Variants in KMT2E observed in about 807,000 individuals in gnomAD.
KMT2E encodes the protein lysine methyltransferase 2E (inactive), also known as histone reader KMT2E.
In KMT2E, 30 loss-of-function variants were observed where a neutral mutation model predicts 184.6. That is an observed-to-expected ratio of 0.16 (90% CI 0.12 to 0.22). KMT2E has a LOEUF of 0.22. KMT2E is among the 10% of genes least tolerant of loss of function. The pLI, the probability that KMT2E is intolerant of heterozygous loss-of-function variation, is 1.00. For synonymous variants in KMT2E, 815 were observed against 776.5 expected (o/e 1.05, Z -0.82); for missense variants, 2,023 against 2,237.4 (o/e 0.90, Z 1.93).
chr7:105,074,225 C>T (rs773915771), intron 7 of KMT2E, among the ~76,000 whole-genome samples: 2 of 151,694 alleles, frequency 1.3e-5, no homozygotes, highest in Admixed American at 6.6e-5. Context: ...AAACAGTATC[C>T]TCAGCAAGAC....
At chr7:105,033,707 G>T (rs1353366367) in intron 1 of KMT2E, among the ~76,000 whole-genome samples, 3 of 152,106 alleles carry the variant, frequency 2.0e-5, no homozygotes, top group Non-Finnish European at 4.4e-5. Flanking sequence ...CGCTGTGTTA[G>T]CCAGGGTGGT....
rs148572476 is a variant in KMT2E at position 105,050,911 on chromosome 7, G to T, written c.71+9888G>T. Among the ~76,000 whole-genome samples the T allele has an allele frequency of 9.3e-3, 1,337 of 143,826 alleles. 9 individuals are homozygous for T. Among genetic ancestry groups the T allele is most frequent in the Non-Finnish European group, 0.015 (945 of 64,246 alleles). The allele number at this position is 143,826 out of a possible 152,430, so 94.4% of individuals were successfully genotyped here. On this transcript the variant is annotated intron_variant, in intron 3 of 26. Transcript: ENST00000311117. Reference sequence around the variant, plus strand: ...CTGGCTAATTTTTTTATTTTTATTCGAGATGGGATTTCACCATGTTGGCCA... The same window carrying T: ...CTGGCTAATTTTTTTATTTTTATTCTAGATGGGATTTCACCATGTTGGCCA...
intron 3 of KMT2E, among the ~76,000 whole-genome samples, chr7:105,049,652 AG>A (rs1226412773): frequency 2.6e-5 from 4 of 152,080 alleles, no homozygotes; most frequent in Admixed American, 2.6e-4. Context: ...GCACTTTGGG[AG>A]GCTGAGGTGG....
chr7:105,112,782 C>T lies in KMT2E; in HGVS notation c.5026C>T (p.His1676Tyr). 6.2e-7 allele frequency: 1 copy of T among 1,611,886 alleles called. No homozygotes were observed. Among genetic ancestry groups the T allele is most frequent in the Non-Finnish European group, 8.5e-7 (1 of 1,179,364 alleles). Residue 1676 changes from histidine to tyrosine, a missense_variant, in exon 27 of 27, where the codon CAC becomes TAC. By Grantham distance (83) the His-to-Tyr change is moderately conservative. Around this residue, in one of 8 missense-constraint regions of KMT2E, gnomAD observed 1,108 missense variants for 1,050.9 expected, o/e 1.05. Coordinates refer to ENST00000311117, the MANE Select transcript of KMT2E (RefSeq NM_182931.3). ...TATTCATTCTCAAACTGCTGGACAC[C>T]ACTTACCCCCACCCCCACCCCCTCC... ...SHIHSQTAGH[H>Y]LPPPPPPPGP... is the part of the protein sequence containing the mutation.
chr7:105,081,639 T>G lies in KMT2E; in HGVS notation c.1249-49T>G, dbSNP rs762732663. On this transcript the variant is annotated intron_variant, in intron 12 of 26. Transcript: ENST00000311117. ...TTTCAAAATTGTAAGCTGATGCTTCTGAAGGCAGAAAGTAATTTATGGTAA... is the reference window on the plus strand; with the variant it reads ...TTTCAAAATTGTAAGCTGATGCTTCGGAAGGCAGAAAGTAATTTATGGTAA... The G allele has an allele frequency of 7.6e-6, 7 of 915,416 alleles. No homozygotes were observed. The East Asian group carries it at 1.7e-4, about 23-fold the overall frequency. 56.7% of individuals were successfully genotyped at this position (915,416 alleles called of 1,614,324 possible). A position where few individuals can be genotyped will look rare whatever the true frequency, so the allele number is the denominator to read the frequency against.
intron 19 of KMT2E, 36 bp downstream of exon 19, chr7:105,106,039 T>C: frequency 6.3e-7 from 1 of 1,585,934 alleles, no homozygotes; most frequent in Non-Finnish European, 8.6e-7. Flanking sequence ...GTTTGAGAAA[T>C]GTGGCAGGGC....
chr7:105,019,686 C>T (rs551897959), intron 1 of KMT2E, among the ~76,000 whole-genome samples: 1 of 152,264 alleles, frequency 6.6e-6, no homozygotes, highest in East Asian at 1.9e-4. Context: ...AAGCAATGAT[C>T]TATGTAGCTT....
chr7:105,088,587 C>CCTA (rs1180663137), intron 13 of KMT2E, among the ~76,000 whole-genome samples: 1 of 152,136 alleles, frequency 6.6e-6, no homozygotes, highest in Non-Finnish European at 1.5e-5. Context: ...GGGCATTTGG[C>CCTA]CTGTATCATA....
In KMT2E at chr7:105,062,195, G is replaced by A. The variant is rs1303754526; in HGVS notation, c.103G>A (p.Val35Ile). The A allele has an allele frequency of 3.1e-6, 5 of 1,613,264 alleles. No homozygotes were observed. The highest frequency in any genetic ancestry group is 4.2e-6 in the Non-Finnish European group (5 of 1,179,444). ...PESVEASPVV[V>I]EKSNSYPHQL... ...ATCCGTAGAAGCTAGCCCTGTGGTA[G>A]TTGAGAAATCCAACAGTTATCCCCA... The change falls in exon 4 of 27, where the codon GTT becomes ATT. Residue 35 changes from valine to isoleucine, a missense_variant. By Grantham distance (29) the Val-to-Ile change is conservative (BLOSUM62 3). Transcript: ENST00000311117.
chr7:105,110,686 T>C (rs1799194767), intron 25 of KMT2E, 84 bp downstream of exon 25: 15 of 1,588,392 alleles, frequency 9.4e-6, no homozygotes, highest in East Asian at 2.2e-5. Flanking sequence ...TTGGTTTGGA[T>C]AGTAGAATGT....
At chr7:105,053,606 C>T (rs927705753) in intron 3 of KMT2E, among the ~76,000 whole-genome samples, 5 of 152,160 alleles carry the variant, frequency 3.3e-5, no homozygotes, top group Non-Finnish European at 7.3e-5. Flanking sequence ...CACACAGTGG[C>T]TCATGCCTGT....
intron 2 of KMT2E, chr7:105,039,129 A>G (rs1231834924): frequency 1.3e-5 from 2 of 152,358 alleles, no homozygotes; most frequent in African/African-American, 4.8e-5. Context: ...CAAGTTCTCT[A>G]ATGCATTCAC....
intron 15 of KMT2E, among the ~76,000 whole-genome samples, chr7:105,095,450 C>A (rs1414230224): frequency 6.6e-6 from 1 of 151,840 alleles, no homozygotes; most frequent in Non-Finnish European, 1.5e-5. Flanking sequence ...GAGGAGAGGG[C>A]TACTAGGGAG....
At chr7:105,095,178 A>G (rs746219192) in intron 15 of KMT2E, among the ~76,000 whole-genome samples, 1 of 152,244 alleles carries the variant, frequency 6.6e-6, no homozygotes, top group Non-Finnish European at 1.5e-5. Context: ...CAACTCAGCA[A>G]TAAGTGAAGG....
chr7:105,040,545 G>T (rs1795835862), intron 2 of KMT2E, among the ~76,000 whole-genome samples: 1 of 152,030 alleles, frequency 6.6e-6, no homozygotes, highest in Non-Finnish European at 1.5e-5. Flanking sequence ...TTGCATACTG[G>T]CACTTTAAGA....
In KMT2E at chr7:105,113,574, CTGATGCTGATT is replaced by C. The variant is rs764738269; in HGVS notation, c.*250_*260del. ...TTCCAGCTGTTTTTTTCTGGCAGATCTGATGCTGATTTGATGCTGTATGATCTTTTTTTTTT... is the reference window on the plus strand; with the variant it reads ...TTCCAGCTGTTTTTTTCTGGCAGATCTGATGCTGTATGATCTTTTTTTTTT... On this transcript the variant is annotated 3_prime_UTR_variant, in exon 27 of 27. Transcript: ENST00000311117. 203 of 373,178 alleles carry C rather than the reference CTGATGCTGATT, an allele frequency of 5.4e-4. No homozygotes were observed. The highest frequency in any genetic ancestry group is 7.9e-4 in the Admixed American group (18 of 22,916). 23.1% of individuals were successfully genotyped at this position (373,178 alleles called of 1,614,324 possible).
chr7:105,105,792 G>C (rs145278013), intron 18 of KMT2E, 67 bp from the exon 19 acceptor site: 4 of 1,570,042 alleles, frequency 2.5e-6, no homozygotes, highest in African/African-American at 2.7e-5. Context: ...AATCGGCTCT[G>C]TATTTACAGG....
intron 6 of KMT2E, 29 bp downstream of exon 6, chr7:105,066,836 C>T (rs1162867953): frequency 2.1e-6 from 3 of 1,452,864 alleles, no homozygotes; most frequent in South Asian, 2.3e-5. Flanking sequence ...ATAACATTGC[C>T]AGTAATTTTA....
At chr7:105,050,972 C>T (rs1280631116) in intron 3 of KMT2E, among the ~76,000 whole-genome samples, 1 of 152,034 alleles carries the variant, frequency 6.6e-6, no homozygotes, top group Non-Finnish European at 1.5e-5. Flanking sequence ...AGTGGTCCAC[C>T]TGCCTCGGCC....
Sources: allele counts gnomAD v4.1 joint callset (sites outside exome capture counted in the v4.1 genomes callset), GRCh38; gene constraint gnomAD v4.1.1; regional missense constraint gnomAD v4.1.1; transcripts MANE v1.5; gene names NCBI Gene and HGNC (gene_info 2026-07-23, HGNC 2026-07-21).